SYNE2: variants seen among roughly 807,000 people sequenced by gnomAD.
The protein encoded by SYNE2 is spectrin repeat containing nuclear envelope protein 2, also known as nesprin-2.
In SYNE2, 431 loss-of-function variants were observed where a neutral mutation model predicts 856.3. The observed-to-expected ratio is 0.50, with a 90% CI of 0.47 to 0.55. The LOEUF is 0.55. SYNE2 is among the 20% of genes least tolerant of loss of function. The probability of loss-of-function intolerance (pLI) is 0.00; values close to 1 mark genes in which losing one functional copy is unlikely to be tolerated. For missense variants in SYNE2, 8,129 were observed against 8,023.2 expected, an observed-to-expected ratio of 1.01 and a Z score of -0.50; for synonymous variants, 2,923 against 2,872.3, an observed-to-expected ratio of 1.02 and a Z score of -0.56.
chr14:63,815,794 C>T (rs899310926), intron 1 of SYNE2, among the ~76,000 whole-genome samples: 1 of 152,096 alleles, frequency 6.6e-6, no homozygotes, highest in African/African-American at 2.4e-5. Flanking sequence ...TATGATACCA[C>T]CACAACACTC....
intron 1 of SYNE2, among the ~76,000 whole-genome samples, chr14:63,834,663 A>G (rs1272628801): frequency 7.5e-6 from 1 of 133,218 alleles, no homozygotes; most frequent in Non-Finnish European, 1.6e-5. Flanking sequence ...TTTTTTTGAG[A>G]TAGAGTCTCA....
chr14:63,921,693 G>A lies in SYNE2; in HGVS notation c.79+12466G>A, dbSNP rs563742315. Reference sequence around the variant, plus strand: ...AATTAGGTAGTGTTTGGGGCAGCCCGAAATATATAAGTGGCCTAGGTGAGA... The same window carrying A: ...AATTAGGTAGTGTTTGGGGCAGCCCAAAATATATAAGTGGCCTAGGTGAGA... On this transcript the variant is annotated intron_variant, in intron 2 of 115. Coordinates refer to ENST00000555002, the MANE Select transcript of SYNE2 (RefSeq NM_182914.3). Among the ~76,000 whole-genome samples the A allele has an allele frequency of 3.3e-5, 5 of 152,220 alleles. No individual in the cohort carries two copies. The South Asian group carries it at 6.2e-4, about 19-fold the overall frequency.
intron 6 of SYNE2, among the ~76,000 whole-genome samples, chr14:63,948,711 T>G (rs1245630578): frequency 1.2e-5 from 1 of 83,466 alleles, no homozygotes; most frequent in Non-Finnish European, 2.7e-5. Context: ...TATATGTATA[T>G]ATATATGTGT....
At chr14:64,209,909 T>C (rs2140152618) in intron 102 of SYNE2, 33 bp from the exon 103 acceptor site, 2 of 1,613,892 alleles carry the variant, frequency 1.2e-6, no homozygotes, top group Non-Finnish European at 1.7e-6. Flanking sequence ...GCACTCTGCA[T>C]GCTTTGGCTC....
chr14:63,911,070 C>A (rs1219603650), intron 2 of SYNE2, among the ~76,000 whole-genome samples: 10 of 152,164 alleles, frequency 6.6e-5, no homozygotes, highest in Non-Finnish European at 1.5e-4. Context: ...TGGTCCAGTG[C>A]TTGCCTTTCT....
intron 44 of SYNE2, 37 bp from the exon 45 acceptor site, chr14:64,030,979 T>C: frequency 6.8e-7 from 1 of 1,478,298 alleles, no homozygotes; most frequent in Non-Finnish European, 9.5e-7. Context: ...TTTGTGGCAA[T>C]TGAATGGAGA....
At chr14:64,180,919 A>G (rs1567565309) in intron 96 of SYNE2, among the ~76,000 whole-genome samples, 2 of 152,086 alleles carry the variant, frequency 1.3e-5, no homozygotes. Flanking sequence ...ATATTTCCTA[A>G]CTGATTATTG....
At chr14:63,877,978 C>T (rs933951016) in intron 1 of SYNE2, among the ~76,000 whole-genome samples, 1 of 151,924 alleles carries the variant, frequency 6.6e-6, no homozygotes, top group African/African-American at 2.4e-5. Context: ...GCCTTGACCT[C>T]CTGGGCTCAA....
intron 48 of SYNE2, among the ~76,000 whole-genome samples, chr14:64,053,945 GGTGACCAA>G (rs1484847354): frequency 2.0e-5 from 3 of 152,060 alleles, no homozygotes; most frequent in African/African-American, 7.2e-5. Flanking sequence ...CTCCAGCCTG[GGTGACCAA>G]GTGAGACTCT....
Position 64,080,569 on chromosome 14 carries a change from G to A in SYNE2, c.11277G>A (p.Leu3759=). The change falls in exon 56 of 116, where the codon TTG becomes TTA. Residue 3759 remains leucine, a synonymous_variant. Transcript: ENST00000555002. ...PGQAQEWMDN[L]MIPFQQYQQV... is the part of the protein sequence containing the mutation. ...AGGCTCAAGAATGGATGGATAACTTGATGATTCCTTTCCAGCAGTATCAGC... is the reference window on the plus strand; with the variant it reads ...AGGCTCAAGAATGGATGGATAACTTAATGATTCCTTTCCAGCAGTATCAGC... 1 of 1,614,214 alleles carries A rather than the reference G, an allele frequency of 6.2e-7. No individual in the cohort carries two copies. Among genetic ancestry groups the A allele is most frequent in the Non-Finnish European group, 8.5e-7 (1 of 1,180,046 alleles).
chr14:64,043,331 C>T (rs956743217), intron 45 of SYNE2, among the ~76,000 whole-genome samples: 6 of 152,038 alleles, frequency 3.9e-5, no homozygotes, highest in Non-Finnish European at 5.9e-5. Context: ...TCTGACAATA[C>T]GATAGAAAAG....
At chr14:64,194,699 G>T (rs2098533141) in intron 99 of SYNE2, among the ~76,000 whole-genome samples, 1 of 152,196 alleles carries the variant, frequency 6.6e-6, no homozygotes, top group Admixed American at 6.5e-5. Context: ...CTGCCAATAT[G>T]TGTGTTCCTC....
rs2098648416 is a variant in SYNE2 at position 64,212,849 on chromosome 14, T to G, written c.18900T>G (p.Ile6300Met). ...AAATTACATTAAATACCAACAAGAT[T>G]GATCAGCTCATTGTGTTTGGGGAGC... Reference protein sequence around the residue: ...QQEITLNTNKIDQLIVFGEQL... With the variant: ...QQEITLNTNKMDQLIVFGEQL... The change falls in exon 105 of 116, where the codon ATT becomes ATG. Residue 6300 changes from isoleucine (I) to methionine (M), a missense_variant. Ile to Met is a conservative substitution (Grantham distance 10). Transcript: ENST00000555002. 6.2e-7 allele frequency: 1 copy of G among 1,614,096 alleles called. No individual in the cohort carries two copies. Among genetic ancestry groups the G allele is most frequent in the Non-Finnish European group, 8.5e-7 (1 of 1,180,046 alleles).
chr14:64,039,546 C>T (rs1187949808), intron 45 of SYNE2, among the ~76,000 whole-genome samples: 6 of 152,150 alleles, frequency 3.9e-5, no homozygotes, highest in African/African-American at 1.2e-4. Flanking sequence ...AGGAAAGATA[C>T]ATGTTTGAGA....
chr14:64,136,038 C>G (rs969464587), intron 78 of SYNE2, among the ~76,000 whole-genome samples: 2 of 152,082 alleles, frequency 1.3e-5, no homozygotes, highest in African/African-American at 4.8e-5. Context: ...GCCTGTAATC[C>G]TAGCACCTTA....
chr14:64,190,133 C>T lies in SYNE2; in HGVS notation c.17934C>T (p.Asp5978=), dbSNP rs778092124. 6.8e-6 allele frequency: 11 copies of T among 1,614,052 alleles called. No homozygotes were observed. In the South Asian group the frequency reaches 1.2e-4, roughly 18 times the overall value. Residue 5978 remains aspartate (D), a synonymous_variant, in exon 99 of 116, where the codon GAC becomes GAT. Coordinates refer to ENST00000555002, the MANE Select transcript of SYNE2 (RefSeq NM_182914.3). Reference sequence around the variant, plus strand: ...AGTTACAGTTAAAGCAGATGGGTGACCAGTTGATCAAGGCCAGCAACAAAT... The same window carrying T: ...AGTTACAGTTAAAGCAGATGGGTGATCAGTTGATCAAGGCCAGCAACAAAT... ...ENKLQLKQMG[D]QLIKASNKSR... is the part of the protein sequence containing the mutation.
intron 94 of SYNE2, among the ~76,000 whole-genome samples, chr14:64,170,982 C>T (rs1019372004): frequency 6.6e-6 from 1 of 152,042 alleles, no homozygotes; most frequent in Non-Finnish European, 1.5e-5. Context: ...ATTTGTAACT[C>T]AAAGGATAAA....
chr14:64,065,408 ATTTTT>A lies in SYNE2; in HGVS notation c.10213-20_10213-16del. On this transcript the variant is annotated intron_variant, in intron 50 of 115. Transcript: ENST00000555002. ...AAAACCATAATAGTATGTCCCTCTT[ATTTTT>A]TTTCTTTTCTTTCTTAAGGCCTTGG... 6.3e-7 allele frequency: 1 copy of A among 1,599,132 alleles called. No homozygotes were observed. Among genetic ancestry groups the A allele is most frequent in the South Asian group, 1.1e-5 (1 of 90,630 alleles).
intron 94 of SYNE2, among the ~76,000 whole-genome samples, chr14:64,173,026 T>G (rs76432029): frequency 0.038 from 5,846 of 152,258 alleles, 145 homozygotes; most frequent in African/African-American, 0.041. Flanking sequence ...CATCTGGGTC[T>G]TCTTTTCTGC....
Sources: gnomAD v4.1 joint callset for allele counts (sites outside exome capture counted in the v4.1 genomes callset) on GRCh38, gnomAD v4.1.1 for gene constraint, MANE v1.5 for transcripts, NCBI Gene and HGNC (gene_info 2026-07-23, HGNC 2026-07-21) for gene names.